PTDSS1: variants seen among roughly 807,000 people sequenced by gnomAD.
The protein encoded by PTDSS1 is PSS-1.
Under a neutral mutation model 70.5 loss-of-function variants are expected in PTDSS1, and 45 were observed. That is an observed-to-expected ratio of 0.64 (90% confidence interval 0.50 to 0.82). PTDSS1 has a LOEUF of 0.82. Among genes scored for constraint, PTDSS1 ranks in the 40% least tolerant of loss-of-function variants. The pLI, the probability that PTDSS1 is intolerant of heterozygous loss-of-function variation, is 0.00. For missense variants in PTDSS1, 417 were observed against 586.1 expected (o/e 0.71, Z 2.98); for synonymous variants, 188 against 203.8 (o/e 0.92, Z 0.66).
chr8:96,301,764 C>T (rs1217531046), intron 6 of PTDSS1, among the ~76,000 whole-genome samples: 5 of 151,958 alleles, frequency 3.3e-5, no homozygotes, highest in Admixed American at 3.3e-4. Flanking sequence ...GATCCGCCCG[C>T]CTCAGCCTCC....
At position 96,306,535 on chromosome 8, in the gene PTDSS1, G is replaced by GCAT. The variant is rs1202376258; in HGVS notation, c.989_991dup (p.Ile330dup). On this transcript the variant is annotated inframe_insertion, in exon 8 of 13. Transcript: ENST00000517309. ...TGGGGTAGAATTCTCTTTATTGGTG[G>GCAT]CATCACAGCTCCCACAGTGAGGTAA... The GCAT allele has an allele frequency of 1.2e-6, 2 of 1,612,846 alleles. No homozygotes were observed. Among genetic ancestry groups the GCAT allele is most frequent in the Admixed American group, 3.3e-5 (2 of 60,008 alleles).
At chr8:96,309,676 T>C in intron 9 of PTDSS1, 54 bp downstream of exon 9, 2 of 1,577,850 alleles carry the variant, frequency 1.3e-6, no homozygotes, top group East Asian at 2.2e-5. Context: ...CTAATTTTAT[T>C]TGGGTATTTC....
At chr8:96,309,386 A>G (rs1811173652) in intron 8 of PTDSS1, 171 bp from the exon 9 acceptor site, 2 of 519,128 alleles carry the variant, frequency 3.9e-6, no homozygotes, top group Admixed American at 3.1e-5. Context: ...TGAATCTCTT[A>G]CAGGAATGTT....
chr8:96,271,489 A>G (rs1810565328), intron 1 of PTDSS1, among the ~76,000 whole-genome samples: 1 of 152,226 alleles, frequency 6.6e-6, no homozygotes, highest in Non-Finnish European at 1.5e-5. Context: ...TTAAGAATAC[A>G]TGTAATGCCA....
Position 96,291,498 on chromosome 8 carries a change from G to A in PTDSS1, c.442-3600G>A, listed in dbSNP as rs543793887. ...ATAACCACTGAACAGTGAACAGTAC[G>A]CAGTGAGTGTTGACATTTCTGCAGT... is the stretch of plus-strand genomic sequence containing the variant. On this transcript the variant is annotated intron_variant, in intron 4 of 12. Transcript: ENST00000517309. 5.4e-5 allele frequency among the ~76,000 whole-genome samples: 8 copies of A among 148,266 alleles called. No homozygotes were observed. The East Asian group carries it at 7.9e-4, about 15-fold the overall frequency.
rs538921325 is a variant in PTDSS1, at chr8:96,271,225, A to C, written c.180-2074A>C. On this transcript the variant is annotated intron_variant, in intron 1 of 12. Transcript: ENST00000517309. Reference sequence around the variant, plus strand: ...ATTTCCAGTGACATCCTGTGCAAGCATAAGCATAAATTATAAGCTACATAC... The same window carrying C: ...ATTTCCAGTGACATCCTGTGCAAGCCTAAGCATAAATTATAAGCTACATAC... Among the ~76,000 whole-genome samples, 6 of 152,344 alleles carry C rather than the reference A, an allele frequency of 3.9e-5. 1 individual carries two copies. The South Asian group carries it at 1.2e-3, about 32-fold the overall frequency.
intron 1 of PTDSS1, among the ~76,000 whole-genome samples, chr8:96,271,222 A>G (rs1367924666): frequency 2.6e-5 from 4 of 152,192 alleles, no homozygotes; most frequent in Non-Finnish European, 5.9e-5. Flanking sequence ...ATCCTGTGCA[A>G]GCATAAGCAT....
intron 2 of PTDSS1, among the ~76,000 whole-genome samples, chr8:96,277,283 T>G (rs1810662276): frequency 1.3e-5 from 2 of 152,256 alleles, no homozygotes; most frequent in African/African-American, 4.8e-5. Context: ...TTGAATATTT[T>G]CAAATTAGGG....
rs181506728 is a variant in PTDSS1, at chr8:96,327,522, A to T, written c.1174-2691A>T. Reference sequence around the variant, plus strand: ...GAGCAAGATTGATCGCAGACTCAGGAGTAGAGGCGAACATTATTCAATAAG... The same window carrying T: ...GAGCAAGATTGATCGCAGACTCAGGTGTAGAGGCGAACATTATTCAATAAG... On this transcript the variant is annotated intron_variant, in intron 10 of 12. Transcript: ENST00000517309. Among the ~76,000 whole-genome samples, 10 of 152,282 alleles carry T rather than the reference A, an allele frequency of 6.6e-5. No homozygotes were observed. The East Asian group carries it at 1.9e-3, about 29-fold the overall frequency.
intron 2 of PTDSS1, among the ~76,000 whole-genome samples, chr8:96,280,523 G>A (rs957346435): frequency 8.5e-5 from 13 of 152,118 alleles, no homozygotes; most frequent in South Asian, 6.2e-4. Context: ...AGCTGAGATC[G>A]CGCCAGTGCA....
chr8:96,317,369 A>G (rs911010156), intron 9 of PTDSS1, among the ~76,000 whole-genome samples: 1 of 152,014 alleles, frequency 6.6e-6, no homozygotes, highest in African/African-American at 2.4e-5. Context: ...ACAATGGCTT[A>G]GCTAAGACTC....
chr8:96,311,419 C>T (rs1811210626), intron 9 of PTDSS1, among the ~76,000 whole-genome samples: 3 of 152,108 alleles, frequency 2.0e-5, no homozygotes, highest in Non-Finnish European at 4.4e-5. Context: ...GTAATACATG[C>T]ACAATGATAA....
intron 11 of PTDSS1, 24 bp downstream of exon 11, chr8:96,330,305 G>A (rs1245780386): frequency 1.9e-6 from 3 of 1,593,562 alleles, no homozygotes; most frequent in Non-Finnish European, 2.6e-6. Context: ...GGCAGGCATG[G>A]CCATTGTTTA....
Position 96,320,344 on chromosome 8 carries a change from T to C in PTDSS1, c.1172T>C (p.Val391Ala), listed in dbSNP as rs200992477. 2 of 1,601,304 alleles carry C rather than the reference T, an allele frequency of 1.2e-6. No homozygotes were observed. ...TATGTTGTGCTTTGGCTTCTTTGCG[T>C]GGTAAGTCACTGCATTTTACCCAAA... is the stretch of plus-strand genomic sequence containing the variant. ...ILYVVLWLLC[V>A]AFTTFLCLYG... The change falls in exon 10 of 13, where the codon GTG becomes GCG. Residue 391 changes from valine to alanine, a missense_variant and splice_region_variant. Val to Ala is a moderately conservative substitution (Grantham distance 64). This residue lies in a region of PTDSS1 where 107 missense variants were observed against 122.3 expected (regional missense o/e 0.88). Transcript: ENST00000517309.
intron 10 of PTDSS1, among the ~76,000 whole-genome samples, chr8:96,325,583 C>T (rs1036435072): frequency 6.6e-6 from 1 of 152,126 alleles, no homozygotes; most frequent in Admixed American, 6.5e-5. Context: ...CAATGCAGCT[C>T]AACTCCATCT....
intron 10 of PTDSS1, among the ~76,000 whole-genome samples, chr8:96,320,546 C>T (rs1457602338): frequency 6.6e-6 from 1 of 152,168 alleles, no homozygotes; most frequent in Non-Finnish European, 1.5e-5. Context: ...AAATAGGTCA[C>T]CTCAGCAGAT....
At chr8:96,315,246 A>G (rs994192173) in intron 9 of PTDSS1, among the ~76,000 whole-genome samples, 9 of 152,114 alleles carry the variant, frequency 5.9e-5, no homozygotes, top group Admixed American at 5.2e-4. Context: ...TCTCATTTCC[A>G]CTATTGGAGG....
chr8:96,307,875 C>T (rs1224190058), intron 8 of PTDSS1, among the ~76,000 whole-genome samples: 2 of 152,132 alleles, frequency 1.3e-5, no homozygotes, highest in African/African-American at 2.4e-5. Flanking sequence ...AAAAACTAGA[C>T]ACTAAAAATC....
At chr8:96,319,720 A>G (rs1811348132) in intron 9 of PTDSS1, among the ~76,000 whole-genome samples, 1 of 152,130 alleles carries the variant, frequency 6.6e-6, no homozygotes, top group Non-Finnish European at 1.5e-5. Flanking sequence ...TAGACTTCAG[A>G]ACTACAGTGA....
Sources: gnomAD v4.1 joint callset for allele counts (sites outside exome capture counted in the v4.1 genomes callset) on GRCh38, gnomAD v4.1.1 for gene constraint, gnomAD v4.1.1 regional missense constraint, MANE v1.5 for transcripts, NCBI Gene and HGNC (gene_info 2026-07-23, HGNC 2026-07-21) for gene names.